The following LDLRAD3 variants were observed in gnomAD, a reference collection of about 807,000 sequenced individuals.
LDLRAD3 encodes low density lipoprotein receptor class A domain containing 3.
In LDLRAD3, 20 loss-of-function variants were observed where a neutral mutation model predicts 29.4. The observed-to-expected ratio is 0.68, with a 90% CI of 0.48 to 0.99. LDLRAD3 has a LOEUF of 0.99. Among genes scored for constraint, LDLRAD3 ranks in the 50% least tolerant of loss-of-function variants. LDLRAD3 has a pLI of 0.00. For missense variants in LDLRAD3, 420 were observed against 454.3 expected, an observed-to-expected ratio of 0.92 and a Z score of 0.69; for synonymous variants, 157 against 192.7, an observed-to-expected ratio of 0.81 and a Z score of 1.53.
intron 4 of LDLRAD3, among the ~76,000 whole-genome samples, chr11:36,160,042 T>G (rs991097901): frequency 9.2e-5 from 14 of 152,108 alleles, no homozygotes; most frequent in African/African-American, 3.4e-4. Context: ...GCAGGAAAAT[T>G]TATAAATCCG....
intron 4 of LDLRAD3, among the ~76,000 whole-genome samples, chr11:36,135,183 G>T (rs1281751495): frequency 1.3e-5 from 2 of 152,156 alleles, no homozygotes; most frequent in Non-Finnish European, 2.9e-5. Context: ...TAAACACACG[G>T]TTTAATAAGC....
intron 4 of LDLRAD3, among the ~76,000 whole-genome samples, chr11:36,186,255 A>G (rs553135635): frequency 6.2e-4 from 95 of 152,368 alleles, no homozygotes; most frequent in Non-Finnish European, 1.0e-3. Context: ...ATACAGATCA[A>G]TCATGTAAGG....
chr11:36,113,545 G>T (rs562414070), intron 4 of LDLRAD3, among the ~76,000 whole-genome samples: 47 of 152,264 alleles, frequency 3.1e-4, no homozygotes, highest in African/African-American at 1.0e-3. Flanking sequence ...TGATGATGTG[G>T]TTGCCTGATC....
chr11:36,085,547 T>C (rs574416574), intron 3 of LDLRAD3, among the ~76,000 whole-genome samples: 5 of 152,284 alleles, frequency 3.3e-5, no homozygotes, highest in African/African-American at 9.6e-5. Flanking sequence ...GGGAGTCTAA[T>C]GACAACAATG....
chr11:36,123,774 CCT>C (rs373285648), intron 4 of LDLRAD3, among the ~76,000 whole-genome samples: 7 of 152,316 alleles, frequency 4.6e-5, no homozygotes, highest in African/African-American at 1.7e-4. Flanking sequence ...GTGCCGACCC[CCT>C]GACTCTTGTC....
chr11:36,066,788 T>G (rs114281318), intron 2 of LDLRAD3, among the ~76,000 whole-genome samples: 5,378 of 152,296 alleles, frequency 0.035, 260 homozygotes, highest in African/African-American at 0.11. Flanking sequence ...CCCTCAGGGC[T>G]GTTGGGGGGA....
At chr11:36,144,316 A>C (rs1479207838) in intron 4 of LDLRAD3, among the ~76,000 whole-genome samples, 3 of 149,890 alleles carry the variant, frequency 2.0e-5, no homozygotes, top group Non-Finnish European at 4.5e-5. Flanking sequence ...TGGCCCCCCA[A>C]AGTGCCGAGA....
chr11:36,216,299 C>T (rs1418590040), intron 4 of LDLRAD3, among the ~76,000 whole-genome samples: 1 of 152,194 alleles, frequency 6.6e-6, no homozygotes, highest in African/African-American at 2.4e-5. Flanking sequence ...GTTGGGAATG[C>T]ACATATTTGG....
intron 4 of LDLRAD3, among the ~76,000 whole-genome samples, chr11:36,152,877 G>C (rs1022029648): frequency 6.6e-6 from 1 of 152,130 alleles, no homozygotes; most frequent in South Asian, 2.1e-4. Context: ...AGTCCTCTTA[G>C]CAAATCTTCA....
At chr11:36,039,063 G>A (rs1322078826) in intron 2 of LDLRAD3, among the ~76,000 whole-genome samples, 1 of 150,508 alleles carries the variant, frequency 6.6e-6, no homozygotes, top group African/African-American at 2.5e-5. Flanking sequence ...TCCGCCTCCC[G>A]GGTTCACGCC....
chr11:35,992,359 A>T (rs1434316565), intron 1 of LDLRAD3, among the ~76,000 whole-genome samples: 1 of 152,236 alleles, frequency 6.6e-6, no homozygotes, highest in East Asian at 1.9e-4. Flanking sequence ...TGACTTATGG[A>T]AACACATTGG....
chr11:36,068,889 G>A (rs190037706), intron 2 of LDLRAD3, among the ~76,000 whole-genome samples: 47 of 152,234 alleles, frequency 3.1e-4, no homozygotes, highest in African/African-American at 1.1e-3. Flanking sequence ...CCTCTTCTCA[G>A]CATAAAAGAG....
At chr11:36,135,463 A>AT (rs1853990052) in intron 4 of LDLRAD3, among the ~76,000 whole-genome samples, 1 of 152,092 alleles carries the variant, frequency 6.6e-6, no homozygotes, top group African/African-American at 2.4e-5. Context: ...GAGTCTTCTC[A>AT]TTATCCTGAG....
intron 1 of LDLRAD3, among the ~76,000 whole-genome samples, chr11:36,018,273 G>C (rs1038182329): frequency 6.6e-6 from 1 of 152,094 alleles, no homozygotes; most frequent in African/African-American, 2.4e-5. Context: ...GTTTGTTCTT[G>C]CTTCAGTTTT....
intron 1 of LDLRAD3, among the ~76,000 whole-genome samples, chr11:35,963,143 C>A (rs1851298315): frequency 6.6e-6 from 1 of 152,134 alleles, no homozygotes; most frequent in Non-Finnish European, 1.5e-5. Flanking sequence ...ACTTGCATTG[C>A]CTGAGATTTT....
chr11:36,147,825 C>T (rs1206730378), intron 4 of LDLRAD3, among the ~76,000 whole-genome samples: 1 of 151,942 alleles, frequency 6.6e-6, no homozygotes, highest in Admixed American at 6.6e-5. Context: ...TCTTTATTGC[C>T]TGGGCCTTTA....
chr11:36,043,808 A>G (rs1200047381), intron 2 of LDLRAD3, among the ~76,000 whole-genome samples: 3 of 152,132 alleles, frequency 2.0e-5, no homozygotes, highest in Non-Finnish European at 4.4e-5. Context: ...CTTCTGAAGG[A>G]GTTGAGCCTC....
intron 4 of LDLRAD3, among the ~76,000 whole-genome samples, chr11:36,200,721 T>A (rs1397020786): frequency 2.0e-5 from 3 of 152,238 alleles, no homozygotes; most frequent in Non-Finnish European, 2.9e-5. Context: ...TGAACTTGCC[T>A]TTCCTTCTCT....
chr11:35,983,436 C>T (rs1215852578), intron 1 of LDLRAD3, among the ~76,000 whole-genome samples: 1 of 152,100 alleles, frequency 6.6e-6, no homozygotes, highest in African/African-American at 2.4e-5. Context: ...CCGCATGGAC[C>T]TGTTTGGGCT....
Sources: gnomAD v4.1 joint callset for allele counts (sites outside exome capture counted in the v4.1 genomes callset) on GRCh38, gnomAD v4.1.1 for gene constraint, MANE v1.5 for transcripts, NCBI Gene and HGNC (gene_info 2026-07-23, HGNC 2026-07-21) for gene names.